Variants in NINL observed in about 807,000 individuals in gnomAD.
NINL encodes ninein-like protein.
NINL carries 153 observed loss-of-function variants against 160.3 expected under a neutral mutation model. That is an observed-to-expected ratio of 0.95 (90% CI 0.84 to 1.09). NINL has a LOEUF of 1.09. Among genes scored for constraint, NINL ranks in the 50% least tolerant of loss-of-function variants. The pLI is 0.00. For synonymous variants in NINL, 800 were observed against 734.8 expected (o/e 1.09, Z -1.43); for missense variants, 1,829 against 1,764.0 (o/e 1.04, Z -0.66).
intron 1 of NINL, among the ~76,000 whole-genome samples, chr20:25,560,447 C>A (rs1244797180): frequency 6.6e-6 from 1 of 152,182 alleles, no homozygotes; most frequent in Non-Finnish European, 1.5e-5. Context: ...GGTCAGTAGG[C>A]ACTCATTATC....
At chr20:25,510,812 T>A in intron 4 of NINL, 72 bp from the exon 5 acceptor site, 2 of 1,154,730 alleles carry the variant, frequency 1.7e-6, no homozygotes, top group Non-Finnish European at 2.5e-6. Context: ...CGGGAACAAA[T>A]AGAGCAGGAT....
intron 11 of NINL, among the ~76,000 whole-genome samples, chr20:25,491,048 G>A (rs551906029): frequency 2.0e-5 from 3 of 152,368 alleles, no homozygotes; most frequent in East Asian, 3.9e-4. Flanking sequence ...TGGTTTCTGG[G>A]GTTGAAGCAG....
chr20:25,571,564 A>C (rs2065054852), intron 1 of NINL, among the ~76,000 whole-genome samples: 1 of 152,228 alleles, frequency 6.6e-6, no homozygotes, highest in East Asian at 1.9e-4. Context: ...TCTTCATGGA[A>C]TGCTATTTAA....
intron 14 of NINL, among the ~76,000 whole-genome samples, chr20:25,481,071 C>G (rs138103288): frequency 1.3e-5 from 2 of 152,138 alleles, no homozygotes; most frequent in Admixed American, 6.5e-5. Context: ...ACAAAAGCCC[C>G]GACTAGGCTC....
At chr20:25,533,468 G>C (rs567082107) in intron 1 of NINL, among the ~76,000 whole-genome samples, 1 of 152,136 alleles carries the variant, frequency 6.6e-6, no homozygotes. Flanking sequence ...CGGAAGACAA[G>C]GAAAGCTCCT....
At chr20:25,580,679 A>C (rs890018489) in intron 1 of NINL, among the ~76,000 whole-genome samples, 1 of 152,048 alleles carries the variant, frequency 6.6e-6, no homozygotes, top group Non-Finnish European at 1.5e-5. Context: ...GCTCTAAAAG[A>C]CTCCTCTGTC....
At chr20:25,571,810 G>A (rs2065056956) in intron 1 of NINL, among the ~76,000 whole-genome samples, 1 of 134,784 alleles carries the variant, frequency 7.4e-6, no homozygotes, top group African/African-American at 2.7e-5. Context: ...AAAGGTTGCA[G>A]TGAACCAAGA....
At chr20:25,486,852 C>G (rs533953975) in intron 13 of NINL, among the ~76,000 whole-genome samples, 2 of 152,310 alleles carry the variant, frequency 1.3e-5, no homozygotes, top group South Asian at 4.1e-4. Flanking sequence ...AATCGAACAA[C>G]AATGCTTTAT....
intron 21 of NINL, among the ~76,000 whole-genome samples, chr20:25,459,359 G>C (rs933077760): frequency 1.3e-5 from 2 of 152,102 alleles, no homozygotes; most frequent in African/African-American, 2.4e-5. Context: ...GGCCTGTCTT[G>C]GGGGGGCCAG....
At chr20:25,558,405 G>A (rs533420027) in intron 1 of NINL, among the ~76,000 whole-genome samples, 3 of 152,174 alleles carry the variant, frequency 2.0e-5, no homozygotes, top group Non-Finnish European at 2.9e-5. Flanking sequence ...ATGGGGTTTC[G>A]CCATGTTGGC....
chr20:25,545,908 C>G (rs2064725752), intron 1 of NINL, among the ~76,000 whole-genome samples: 1 of 152,112 alleles, frequency 6.6e-6, no homozygotes, highest in Non-Finnish European at 1.5e-5. Context: ...CTCTCTGAAG[C>G]CTGCTATCTG....
intron 13 of NINL, among the ~76,000 whole-genome samples, chr20:25,484,748 C>G (rs1378060260): frequency 2.0e-5 from 3 of 152,160 alleles, no homozygotes; most frequent in Non-Finnish European, 4.4e-5. Flanking sequence ...CATTTTGCAA[C>G]CATCATAGTA....
chr20:25,545,858 G>T (rs1427264115), intron 1 of NINL, among the ~76,000 whole-genome samples: 4 of 152,140 alleles, frequency 2.6e-5, no homozygotes, highest in African/African-American at 7.2e-5. Context: ...TCCTGATCCA[G>T]GAGAGAATCA....
rs747074916 is a variant in NINL at position 25,462,347 on chromosome 20, C to T, written c.3582+36G>A. 5.1e-6 allele frequency: 6 copies of T among 1,174,324 alleles called. No individual in the cohort carries two copies. In the Admixed American group the frequency reaches 1.1e-4, roughly 22 times the overall value. 72.7% of individuals were successfully genotyped at this position (1,174,324 alleles called of 1,614,324 possible). ...CCGCCTCCCCACCCTGAGCTCCCAGCCTCCAGCTCAGCTCCCTGCGGCTGA... is the reference window on the plus strand; with the variant it reads ...CCGCCTCCCCACCCTGAGCTCCCAGTCTCCAGCTCAGCTCCCTGCGGCTGA... On this transcript the variant is annotated intron_variant, in intron 20 of 23. Coordinates refer to ENST00000278886, the MANE Select transcript of NINL (RefSeq NM_025176.6).
rs556711622 is a variant in NINL at position 25,536,105 on chromosome 20, GAGC to G, written c.-11-9510_-11-9508del. On this transcript the variant is annotated intron_variant, in intron 1 of 23. Transcript: ENST00000278886. ...CCACAGCAGCAAGGCTGAAAGTTCA[GAGC>G]CAACCCAGGGCCTTCCATGTGCTCA... Among the ~76,000 whole-genome samples the G allele has an allele frequency of 3.9e-5, 6 of 152,292 alleles. No homozygotes were observed. The South Asian group carries it at 1.2e-3, about 32-fold the overall frequency.
intron 1 of NINL, among the ~76,000 whole-genome samples, chr20:25,528,173 A>T (rs1474600602): frequency 2.0e-5 from 3 of 152,104 alleles, no homozygotes; most frequent in Admixed American, 6.6e-5. Flanking sequence ...GGGACTATGG[A>T]TGCATACCAC....
Position 25,510,712 on chromosome 20 carries a change from C to T in NINL, c.479G>A (p.Ser160Asn), listed in dbSNP as rs776547465. 2 of 1,613,754 alleles carry T rather than the reference C, an allele frequency of 1.2e-6. No individual in the cohort carries two copies. Among genetic ancestry groups the T allele is most frequent in the East Asian group, 2.2e-5 (1 of 44,894 alleles). ...TAATTCATTCTGAGCTTCTTTAGTG[C>T]TCTCGGCCTCTTCATCTGACTTGGG... is the stretch of plus-strand genomic sequence containing the variant. ...ESPKSDEEAE[S>N]TKEAQNELFE... The change falls in exon 5 of 24, where the codon AGC becomes AAC. Residue 160 changes from serine to asparagine, a missense_variant. Coordinates refer to ENST00000278886, the MANE Select transcript of NINL (RefSeq NM_025176.6).
At chr20:25,501,082 C>T (rs1015300299) in intron 7 of NINL, 72 bp from the exon 8 acceptor site, 84 of 1,520,282 alleles carry the variant, frequency 5.5e-5, no homozygotes, top group Non-Finnish European at 7.3e-5. Flanking sequence ...GATGTGCTCT[C>T]CACCCTCCCC....
At chr20:25,493,578 C>G (rs16987786) in intron 10 of NINL, among the ~76,000 whole-genome samples, 3 of 152,128 alleles carry the variant, frequency 2.0e-5, no homozygotes, top group African/African-American at 4.8e-5. Flanking sequence ...ATGTGCGCTC[C>G]GGAAGGCAGG....
Sources: gnomAD v4.1 joint callset for allele counts (sites outside exome capture counted in the v4.1 genomes callset) on GRCh38, gnomAD v4.1.1 for gene constraint, MANE v1.5 for transcripts, NCBI Gene and HGNC (gene_info 2026-07-23, HGNC 2026-07-21) for gene names.